GLT8D1: variants seen among roughly 807,000 people sequenced by gnomAD.
GLT8D1 encodes glycosyltransferase 8 domain-containing protein 1.
GLT8D1 carries 41 observed loss-of-function variants against 46.2 expected under a neutral mutation model. The ratio of observed to expected loss-of-function variants is 0.89; its 90% confidence interval spans 0.69 to 1.15. The LOEUF is 1.15. Among genes scored for constraint, GLT8D1 ranks in the 50% most tolerant of loss-of-function variants. The pLI, the probability that GLT8D1 is intolerant of heterozygous loss-of-function variation, is 0.00. For synonymous variants in GLT8D1, 150 were observed against 154.2 expected (o/e 0.97, Z 0.20); for missense variants, 408 against 449.3 (o/e 0.91, Z 0.83).
chr3:52,695,611 GTACT>G (rs771132206), intron 7 of GLT8D1, 24 bp from the exon 8 acceptor site: 1 of 1,392,666 alleles, frequency 7.2e-7, no homozygotes. Flanking sequence ...TAGGATATAT[GTACT>G]TACTGCTTCA....
At chr3:52,702,316 C>T (rs563904014) in intron 1 of GLT8D1, among the ~76,000 whole-genome samples, 3 of 152,208 alleles carry the variant, frequency 2.0e-5, no homozygotes, top group South Asian at 2.1e-4. Context: ...AAGGCTAACG[C>T]GGGCAGATCA....
chr3:52,694,777 G>A lies in GLT8D1; in HGVS notation c.*68C>T, dbSNP rs537606484. The A allele has an allele frequency of 1.8e-6, 2 of 1,105,154 alleles. No individual in the cohort carries two copies. The highest frequency in any genetic ancestry group is 2.4e-5 in the East Asian group (1 of 42,520). The allele number at this position is 1,105,154 out of a possible 1,614,324, so 68.5% of individuals were successfully genotyped here. A position where few individuals can be genotyped will look rare whatever the true frequency, so the allele number is the denominator to read the frequency against. ...CGATAGGCATTGAAGCCTAGCAACT[G>A]TTACTTCCCACGCATGCTATCTTCC... On this transcript the variant is annotated 3_prime_UTR_variant, in exon 10 of 10. Transcript: ENST00000266014.
chr3:52,695,940 TC>T lies in GLT8D1; in HGVS notation c.632del (p.Gly211GlufsTer24). 1 of 1,596,622 alleles carries T rather than the reference TC, an allele frequency of 6.3e-7. No individual in the cohort carries two copies. The highest frequency in any genetic ancestry group is 8.6e-7 in the Non-Finnish European group (1 of 1,164,048). The part of the protein sequence containing the change: ...DSASTKVVIR[G>X]AGNQYNYIGY... ...GTAAGCAATTTACCTGGTTTCCTGC[TC>T]CACGGATGACAACTTTAGTAGAGGC... On this transcript the variant is annotated frameshift_variant, in exon 7 of 10. Coordinates refer to ENST00000266014, the MANE Select transcript of GLT8D1 (RefSeq NM_018446.4). LOFTEE classifies it high-confidence loss of function.
At chr3:52,695,377 T>C (rs201357391) in intron 8 of GLT8D1, 44 bp downstream of exon 8, 125 of 1,593,036 alleles carry the variant, frequency 7.8e-5, no homozygotes, top group African/African-American at 2.7e-4. Flanking sequence ...CTCTAGGAAT[T>C]GAAATACAAC....
rs568037002 is a variant in GLT8D1 at position 52,700,624 on chromosome 3, C to T, written c.-36-128G>A. 8.0e-4 allele frequency: 390 copies of T among 489,156 alleles called. 5 individuals are homozygous for T. The South Asian group carries it at 0.012, about 15-fold the overall frequency. 30.3% of individuals were successfully genotyped at this position (489,156 alleles called of 1,614,324 possible). On this transcript the variant is annotated intron_variant, in intron 1 of 9. Transcript: ENST00000266014. ...GGCATATACAGTATTCCGCCAGAAACTCATTTTGAATTCACAGTTCCCAAG... is the reference window on the plus strand; with the variant it reads ...GGCATATACAGTATTCCGCCAGAAATTCATTTTGAATTCACAGTTCCCAAG...
intron 3 of GLT8D1, 119 bp from the exon 4 acceptor site, chr3:52,698,053 A>G (rs2097335694): frequency 4.4e-6 from 3 of 677,798 alleles, no homozygotes; most frequent in Admixed American, 2.2e-5. Context: ...CTCCCCCATT[A>G]AACTGAAGCA....
intron 4 of GLT8D1, 32 bp from the exon 5 acceptor site, chr3:52,696,691 CA>C (rs1387225263): frequency 1.7e-6 from 2 of 1,159,962 alleles, no homozygotes; most frequent in African/African-American, 1.5e-5. Flanking sequence ...ATTTTAGTTT[CA>C]AATAATGTCT....
intron 3 of GLT8D1, among the ~76,000 whole-genome samples, chr3:52,700,042 C>T (rs955867019): frequency 4.6e-5 from 7 of 152,206 alleles, no homozygotes; most frequent in Non-Finnish European, 1.0e-4. Context: ...CTGGTATGCC[C>T]TCACTTTCTG....
intron 1 of GLT8D1, among the ~76,000 whole-genome samples, chr3:52,701,004 G>A (rs906935412): frequency 6.6e-6 from 1 of 152,162 alleles, no homozygotes; most frequent in Non-Finnish European, 1.5e-5. Flanking sequence ...AACAGAGGTT[G>A]CAGTGAGCCG....
chr3:52,702,042 G>GT (rs1170671931), intron 1 of GLT8D1, among the ~76,000 whole-genome samples: 2 of 152,028 alleles, frequency 1.3e-5, no homozygotes, highest in East Asian at 1.9e-4. Flanking sequence ...TAGTTCATTT[G>GT]TTTTTTTAGA....
At chr3:52,699,435 C>A (rs1054427602) in intron 3 of GLT8D1, among the ~76,000 whole-genome samples, 1 of 152,116 alleles carries the variant, frequency 6.6e-6, no homozygotes, top group Non-Finnish European at 1.5e-5. Flanking sequence ...CAGGCGCATA[C>A]CACCACGCCC....
chr3:52,704,637 T>C (rs1189990982), intron 1 of GLT8D1: 1 of 152,174 alleles, frequency 6.6e-6, no homozygotes, highest in Non-Finnish European at 1.5e-5. Context: ...GTCAGAAAAG[T>C]GTCAAACGTG....
At chr3:52,701,170 CA>C (rs965972070) in intron 1 of GLT8D1, 3 of 152,240 alleles carry the variant, frequency 2.0e-5, no homozygotes, top group African/African-American at 4.8e-5. Context: ...TTAGCCTCAT[CA>C]GTAAAAACAT....
intron 7 of GLT8D1, 132 bp from the exon 8 acceptor site, chr3:52,695,719 G>C: frequency 3.0e-6 from 2 of 658,176 alleles, no homozygotes; most frequent in Non-Finnish European, 2.7e-6. Context: ...TTCCAAGTTA[G>C]AATAGGAACC....
rs1049746033 is a variant in GLT8D1 at position 52,695,922 on chromosome 3, A to G, written c.645+6T>C. The G allele has an allele frequency of 6.5e-7, 1 of 1,535,286 alleles. No individual in the cohort carries two copies. Among genetic ancestry groups the G allele is most frequent in the South Asian group, 1.1e-5 (1 of 89,348 alleles). On this transcript the variant is annotated splice_donor_region_variant and intron_variant, in intron 7 of 9. Coordinates refer to ENST00000266014, the MANE Select transcript of GLT8D1 (RefSeq NM_018446.4). Reference sequence around the variant, plus strand: ...TAGGAAGAGGGGTGTTTGGTAAGCAATTTACCTGGTTTCCTGCTCCACGGA... The same window carrying G: ...TAGGAAGAGGGGTGTTTGGTAAGCAGTTTACCTGGTTTCCTGCTCCACGGA...
At chr3:52,698,248 A>G (rs1312372321) in intron 3 of GLT8D1, among the ~76,000 whole-genome samples, 1 of 152,224 alleles carries the variant, frequency 6.6e-6, no homozygotes, top group Non-Finnish European at 1.5e-5. Context: ...TAATCAAAAG[A>G]AAGAATTTTA....
At position 52,697,595 on chromosome 3, in the gene GLT8D1, G is replaced by A. The variant is rs763025468; in HGVS notation, c.329+126C>T. 6.8e-4 allele frequency: 499 copies of A among 737,216 alleles called. 4 individuals carry two copies. The highest frequency in any genetic ancestry group is 1.7e-4 in the Admixed American group (9 of 53,830). 45.7% of individuals were successfully genotyped at this position (737,216 alleles called of 1,614,324 possible). On this transcript the variant is annotated intron_variant, in intron 4 of 9. Coordinates refer to ENST00000266014, the MANE Select transcript of GLT8D1 (RefSeq NM_018446.4). ...CTAAAAAAAATATGTCATTTGTACA[G>A]TTTATCACTGGTACAATTTCAATTG...
chr3:52,700,738 A>G (rs1458783289), intron 1 of GLT8D1: 1 of 321,382 alleles, frequency 3.1e-6, no homozygotes, highest in Non-Finnish European at 5.7e-6. Flanking sequence ...CTTGTACATT[A>G]TACATCACAA....
In GLT8D1 at chr3:52,695,031, G is replaced by T; in HGVS notation, c.930C>A (p.Ser310=). Reference sequence around the variant, plus strand: ...GAGGTGAATATCGTTTTCCAGCACTGGAACCTTACATTTGAGACAAAAATA... The same window carrying T: ...GAGGTGAATATCGTTTTCCAGCACTTGAACCTTACATTTGAGACAAAAATA... ...DPMWNVRHLG[S]SAGKRYSPQF... is the part of the protein sequence containing the mutation. The change falls in exon 10 of 10, where the codon TCC becomes TCA. Residue 310 remains serine (S), a synonymous_variant. Transcript: ENST00000266014. The T allele has an allele frequency of 6.2e-7, 1 of 1,608,036 alleles. No homozygotes were observed. Among genetic ancestry groups the T allele is most frequent in the Non-Finnish European group, 8.5e-7 (1 of 1,174,456 alleles).
Sources: gnomAD v4.1 joint callset for allele counts (sites outside exome capture counted in the v4.1 genomes callset) on GRCh38, gnomAD v4.1.1 for gene constraint, MANE v1.5 for transcripts, NCBI Gene and HGNC (gene_info 2026-07-23, HGNC 2026-07-21) for gene names.